LHFPL3: variants seen among roughly 807,000 people sequenced by gnomAD.
LHFPL3 encodes LHFPL tetraspan subfamily member 3 protein.
LHFPL3 carries 5 observed loss-of-function variants against 19.3 expected under a neutral mutation model. The ratio of observed to expected loss-of-function variants is 0.26; its 90% CI spans 0.14 to 0.54. The LOEUF is 0.54. Ranked by LOEUF, LHFPL3 falls within the 20% of genes least tolerant of loss-of-function variation. The pLI, the probability that LHFPL3 is intolerant of heterozygous loss-of-function variation, is 0.94. For missense variants in LHFPL3, 249 were observed against 307.4 expected (o/e 0.81, Z 1.42); for synonymous variants, 133 against 126.2 (o/e 1.05, Z -0.36).
Position 104,401,631 on chromosome 7 carries a change from A to G in LHFPL3, c.445+72407A>G, listed in dbSNP as rs1256888812. ...AGATAACCAGTGCCAGATACTTTTC[A>G]GAAATTCAATTTGAGAAAAAGAATA... On this transcript the variant is annotated intron_variant, in intron 1 of 2. Transcript: ENST00000424859. Among the ~76,000 whole-genome samples, 3 of 152,348 alleles carry G rather than the reference A, an allele frequency of 2.0e-5. No individual in the cohort carries two copies. In the East Asian group the frequency reaches 5.8e-4, roughly 29 times the overall value.
intron 1 of LHFPL3, among the ~76,000 whole-genome samples, chr7:104,666,901 A>C (rs1792364883): frequency 6.6e-6 from 1 of 152,008 alleles, no homozygotes; most frequent in Admixed American, 6.6e-5. Flanking sequence ...TCATCTGTTG[A>C]TAGACAGGTT....
intron 1 of LHFPL3, among the ~76,000 whole-genome samples, chr7:104,617,539 T>C (rs1011144488): frequency 3.3e-5 from 5 of 152,198 alleles, no homozygotes; most frequent in African/African-American, 1.2e-4. Context: ...TGAGAAAACA[T>C]CTGGATACAA....
intron 1 of LHFPL3, among the ~76,000 whole-genome samples, chr7:104,528,665 A>C (rs1196972960): frequency 2.0e-5 from 3 of 152,168 alleles, no homozygotes; most frequent in African/African-American, 7.2e-5. Context: ...ATGTTCCAAT[A>C]ATGTGGAATT....
chr7:104,840,921 G>A (rs1040029516), intron 2 of LHFPL3, among the ~76,000 whole-genome samples: 1 of 151,836 alleles, frequency 6.6e-6, no homozygotes, highest in Admixed American at 6.6e-5. Flanking sequence ...TTTTTTTAAT[G>A]TTTCGAGTAT....
chr7:104,771,797 TA>T (rs1240517000), intron 2 of LHFPL3, among the ~76,000 whole-genome samples: 4 of 150,482 alleles, frequency 2.7e-5, no homozygotes, highest in Non-Finnish European at 5.9e-5. Context: ...CAATACTTAT[TA>T]ATTTTTCTTT....
At chr7:104,501,425 A>G (rs1793596231) in intron 1 of LHFPL3, among the ~76,000 whole-genome samples, 1 of 152,238 alleles carries the variant, frequency 6.6e-6, no homozygotes, top group African/African-American at 2.4e-5. Context: ...CTAAAGGCAA[A>G]TCTTTTTAGT....
chr7:104,395,239 A>T (rs1261683245), intron 1 of LHFPL3, among the ~76,000 whole-genome samples: 1 of 152,214 alleles, frequency 6.6e-6, no homozygotes, highest in Non-Finnish European at 1.5e-5. Context: ...AGGAACATGT[A>T]AAAAATTAAA....
chr7:104,468,848 A>G (rs1792847399), intron 1 of LHFPL3, among the ~76,000 whole-genome samples: 1 of 151,872 alleles, frequency 6.6e-6, no homozygotes, highest in African/African-American at 2.4e-5. Context: ...TTTAGTAGAG[A>G]CAGGGTTTCA....
chr7:104,587,770 C>G (rs62487567), intron 1 of LHFPL3, among the ~76,000 whole-genome samples: 95,979 of 151,140 alleles, frequency 0.64, 30,505 homozygotes, highest in East Asian at 0.71. Context: ...TCCACATCCT[C>G]TCCAGCACCT....
intron 1 of LHFPL3, among the ~76,000 whole-genome samples, chr7:104,627,679 C>G (rs957180735): frequency 6.6e-6 from 1 of 152,158 alleles, no homozygotes; most frequent in Non-Finnish European, 1.5e-5. Context: ...GATACCATCC[C>G]TGTCATTATT....
intron 1 of LHFPL3, among the ~76,000 whole-genome samples, chr7:104,357,390 T>G (rs570523021): frequency 6.6e-6 from 1 of 152,298 alleles, no homozygotes; most frequent in Non-Finnish European, 1.5e-5. Flanking sequence ...TTCCTCCTCT[T>G]AAAGGCAATT....
intron 2 of LHFPL3, among the ~76,000 whole-genome samples, chr7:104,755,716 A>G (rs1465703381): frequency 6.6e-6 from 1 of 152,060 alleles, no homozygotes; most frequent in African/African-American, 2.4e-5. Context: ...TTGTTTTGAG[A>G]TGGAGTTTCA....
At chr7:104,465,184 C>T (rs1792753785) in intron 1 of LHFPL3, among the ~76,000 whole-genome samples, 1 of 152,164 alleles carries the variant, frequency 6.6e-6, no homozygotes, top group East Asian at 1.9e-4. Flanking sequence ...ACTTCATTGT[C>T]CATATCACCA....
At chr7:104,352,353 A>G (rs1790194310) in intron 1 of LHFPL3, among the ~76,000 whole-genome samples, 1 of 152,294 alleles carries the variant, frequency 6.6e-6, no homozygotes, top group South Asian at 2.1e-4. Flanking sequence ...TTTTGCACGT[A>G]AAATTCTTAG....
In LHFPL3 at chr7:104,417,922, A is replaced by G. The variant is rs142835894; in HGVS notation, c.445+88698A>G. On this transcript the variant is annotated intron_variant, in intron 1 of 2. Coordinates refer to ENST00000424859, the MANE Select transcript of LHFPL3 (RefSeq NM_199000.3). ...TTTTGAGATGGGGTCTTGCTCTGTC[A>G]CCCAGTCTGGAGTGTAATGGTGCAA... Among the ~76,000 whole-genome samples, 1,072 of 128,214 alleles carry G rather than the reference A, an allele frequency of 8.4e-3. 58 individuals are homozygous for G. In the East Asian group the frequency reaches 0.15, roughly 19 times the overall value. 84.1% of individuals were successfully genotyped at this position (128,214 alleles called of 152,430 possible). A position where few individuals can be genotyped will look rare whatever the true frequency, so the allele number is the denominator to read the frequency against.
At chr7:104,562,658 G>C (rs542073550) in intron 1 of LHFPL3, among the ~76,000 whole-genome samples, 2 of 151,648 alleles carry the variant, frequency 1.3e-5, no homozygotes, top group Non-Finnish European at 2.9e-5. Context: ...TAATTTGGTC[G>C]TCTGAAGCCT....
At chr7:104,874,856 C>CTT (rs551943012) in intron 2 of LHFPL3, among the ~76,000 whole-genome samples, 1 of 143,590 alleles carries the variant, frequency 7.0e-6, no homozygotes, top group Non-Finnish European at 1.5e-5. Context: ...GTTCTTTTTC[C>CTT]TTTTTTTTTT....
At chr7:104,682,795 T>C (rs1792731807) in intron 1 of LHFPL3, among the ~76,000 whole-genome samples, 1 of 152,234 alleles carries the variant, frequency 6.6e-6, no homozygotes, top group Non-Finnish European at 1.5e-5. Flanking sequence ...ATGCAACCAT[T>C]TGAATTCAAG....
chr7:104,675,412 C>T (rs963415943), intron 1 of LHFPL3, among the ~76,000 whole-genome samples: 1 of 152,188 alleles, frequency 6.6e-6, no homozygotes, highest in African/African-American at 2.4e-5. Context: ...TACTCCTTCC[C>T]TGCCACTCCT....
Sources: gnomAD v4.1 joint callset for allele counts (sites outside exome capture counted in the v4.1 genomes callset) on GRCh38, gnomAD v4.1.1 for gene constraint, MANE v1.5 for transcripts, NCBI Gene and HGNC (gene_info 2026-07-23, HGNC 2026-07-21) for gene names.